Variants in TMEM87B observed in about 807,000 individuals in gnomAD.
TMEM87B encodes the protein transmembrane protein 87B.
Under a neutral mutation model 80.3 loss-of-function variants are expected in TMEM87B, and 83 were observed. That is an observed-to-expected ratio of 1.03 (90% CI 0.87 to 1.24). The LOEUF is 1.24. Among genes scored for constraint, TMEM87B ranks in the 50% most tolerant of loss-of-function variants. The pLI is 0.00. For synonymous variants in TMEM87B, 219 were observed against 230.5 expected (o/e 0.95, Z 0.45); for missense variants, 625 against 674.4 (o/e 0.93, Z 0.81).
In TMEM87B at chr2:112,055,361, C is replaced by T; in HGVS notation, c.-231C>T. On this transcript the variant is annotated 5_prime_UTR_variant, in exon 1 of 19. Transcript: ENST00000283206. ...CCTATCTCTGCCTTCCAGGCATCTC[C>T]CAGCTGCACGCTCGGGCCCGGCTCA... 1 of 521,478 alleles carries T rather than the reference C, an allele frequency of 1.9e-6. No individual in the cohort carries two copies. Among genetic ancestry groups the T allele is most frequent in the Non-Finnish European group, 3.3e-6 (1 of 302,362 alleles). The allele number at this position is 521,478 out of a possible 1,614,324, so 32.3% of individuals were successfully genotyped here.
chr2:112,097,730 A>C (rs1679513364), intron 13 of TMEM87B, among the ~76,000 whole-genome samples: 1 of 151,692 alleles, frequency 6.6e-6, no homozygotes, highest in Admixed American at 6.6e-5. Flanking sequence ...AAAAAAAAAA[A>C]AAAAAAACTT....
At chr2:112,074,730 AG>A (rs1678757435) in intron 4 of TMEM87B, among the ~76,000 whole-genome samples, 181 bp from the exon 5 acceptor site, 1 of 152,122 alleles carries the variant, frequency 6.6e-6, no homozygotes, top group Admixed American at 6.5e-5. Flanking sequence ...TTTATATAAT[AG>A]GGGCAATTTT....
Position 112,055,657 on chromosome 2 carries a change from G to A in TMEM87B, c.66G>A (p.Arg22=). The A allele has an allele frequency of 1.3e-6, 2 of 1,576,510 alleles. No individual in the cohort carries two copies. Among genetic ancestry groups the A allele is most frequent in the Non-Finnish European group, 1.7e-6 (2 of 1,164,482 alleles). ...GCCGCCGCCGCTGCTTTCCCGCCCG[G>A]GCCCCGCTGCTGCGCGTCGCCCTCT... ...LPRRRRCFPA[R]APLLRVALCL... The change falls in exon 1 of 19, where the codon CGG becomes CGA. Residue 22 remains arginine (R), a synonymous_variant. Transcript: ENST00000283206.
chr2:112,069,444 G>A (rs1362060366), intron 4 of TMEM87B, among the ~76,000 whole-genome samples: 2 of 152,094 alleles, frequency 1.3e-5, no homozygotes, highest in Non-Finnish European at 1.5e-5. Context: ...TCCTGTGTTA[G>A]TTTGCTAAGG....
intron 11 of TMEM87B, among the ~76,000 whole-genome samples, chr2:112,096,688 G>T (rs1386338332): frequency 1.3e-5 from 2 of 152,248 alleles, no homozygotes; most frequent in Non-Finnish European, 2.9e-5. Flanking sequence ...AAGCCAAATG[G>T]CATGTCACAA....
rs778357077 is a variant in TMEM87B at position 112,074,974 on chromosome 2, G to A, written c.501+12G>A. On this transcript the variant is annotated intron_variant, in intron 5 of 18. Coordinates refer to ENST00000283206, the MANE Select transcript of TMEM87B (RefSeq NM_032824.3). ...AGGAAAGATCAATGGTAAGCAGTTT[G>A]ATTTGTCTTTAAATCAAATATACAC... The A allele has an allele frequency of 5.1e-6, 8 of 1,579,884 alleles. No homozygotes were observed. In the African/African-American group the frequency reaches 5.4e-5, roughly 11 times the overall value.
chr2:112,087,974 C>T (rs957843054), intron 9 of TMEM87B, among the ~76,000 whole-genome samples: 5 of 152,188 alleles, frequency 3.3e-5, no homozygotes, highest in African/African-American at 1.2e-4. Flanking sequence ...TCACTGGCTA[C>T]TCCTCCCCAG....
chr2:112,074,833 T>C, intron 4 of TMEM87B, 79 bp from the exon 5 acceptor site: 1 of 1,404,658 alleles, frequency 7.1e-7, no homozygotes, highest in South Asian at 1.4e-5. Context: ...TCTTCTAACT[T>C]TTTTTCTTAA....
At chr2:112,098,783 G>A in intron 14 of TMEM87B, 85 bp downstream of exon 14, 1 of 1,314,424 alleles carries the variant, frequency 7.6e-7, no homozygotes, top group Non-Finnish European at 1.1e-6. Context: ...GAAACCAGGA[G>A]AATAGTCGTT....
At chr2:112,109,193 A>G (rs1212537934) in intron 17 of TMEM87B, among the ~76,000 whole-genome samples, 1 of 152,236 alleles carries the variant, frequency 6.6e-6, no homozygotes, top group Non-Finnish European at 1.5e-5. Context: ...AGAACTGCCT[A>G]TTCATTATGA....
At chr2:112,112,843 G>A (rs1484429355) in intron 17 of TMEM87B, 56 bp from the exon 18 acceptor site, 1 of 1,555,358 alleles carries the variant, frequency 6.4e-7, no homozygotes, top group Non-Finnish European at 8.8e-7. Flanking sequence ...GGCTTTCGTG[G>A]ATACACTGGC....
intron 4 of TMEM87B, among the ~76,000 whole-genome samples, chr2:112,074,303 T>C (rs1490360222): frequency 2.6e-5 from 4 of 152,230 alleles, no homozygotes; most frequent in African/African-American, 7.2e-5. Flanking sequence ...AAGGGTCTTA[T>C]TTCCCCTTCA....
Position 112,055,415 on chromosome 2 carries a change from G to A in TMEM87B, c.-177G>A, listed in dbSNP as rs1573670161. 1 of 688,256 alleles carries A rather than the reference G, an allele frequency of 1.5e-6. No individual in the cohort carries two copies. Among genetic ancestry groups the A allele is most frequent in the East Asian group, 3.4e-5 (1 of 29,298 alleles). The allele number at this position is 688,256 out of a possible 1,614,324, so 42.6% of individuals were successfully genotyped here. A position where few individuals can be genotyped will look rare whatever the true frequency, so the allele number is the denominator to read the frequency against. ...CCCTAAGCCCTGCCTCCCGGTCCTGGCCGGGTTTCCCAGAACTGCACGGCG... is the reference window on the plus strand; with the variant it reads ...CCCTAAGCCCTGCCTCCCGGTCCTGACCGGGTTTCCCAGAACTGCACGGCG... On this transcript the variant is annotated 5_prime_UTR_variant, in exon 1 of 19. Transcript: ENST00000283206.
At chr2:112,081,024 T>A (rs1325521723) in intron 6 of TMEM87B, 33 bp from the exon 7 acceptor site, 1 of 1,578,072 alleles carries the variant, frequency 6.3e-7, no homozygotes, top group Non-Finnish European at 8.7e-7. Context: ...TAAGACTGAC[T>A]GTTAATTAAC....
At chr2:112,083,244 A>T (rs1011388369) in intron 8 of TMEM87B, among the ~76,000 whole-genome samples, 4 of 152,204 alleles carry the variant, frequency 2.6e-5, no homozygotes, top group African/African-American at 9.7e-5. Context: ...AAGGCATTTG[A>T]CAAGGTCTCT....
chr2:112,055,856 G>A, intron 1 of TMEM87B, 100 bp downstream of exon 1: 1 of 1,359,058 alleles, frequency 7.4e-7, no homozygotes, highest in Non-Finnish European at 9.6e-7. Flanking sequence ...GCCTCTGCCG[G>A]GTCAGCACCG....
intron 9 of TMEM87B, 83 bp from the exon 10 acceptor site, chr2:112,089,542 A>G: frequency 8.1e-7 from 1 of 1,231,424 alleles, no homozygotes; most frequent in Non-Finnish European, 1.2e-6. Context: ...CTGGTATTGG[A>G]AATGGTGCCA....
chr2:112,091,656 C>G, intron 10 of TMEM87B, 56 bp from the exon 11 acceptor site: 2 of 1,150,710 alleles, frequency 1.7e-6, no homozygotes, highest in Non-Finnish European at 2.6e-6. Context: ...ATGATAATTG[C>G]TATAGTGCAA....
At chr2:112,112,808 TG>T in intron 17 of TMEM87B, 90 bp from the exon 18 acceptor site, 1 of 1,184,550 alleles carries the variant, frequency 8.4e-7, no homozygotes, top group Non-Finnish European at 1.2e-6. Flanking sequence ...TGAGAATTAG[TG>T]GGCCATGGCA....
Sources: allele counts gnomAD v4.1 joint callset (sites outside exome capture counted in the v4.1 genomes callset), GRCh38; gene constraint gnomAD v4.1.1; transcripts MANE v1.5; gene names NCBI Gene and HGNC (gene_info 2026-07-23, HGNC 2026-07-21).